The following UGT1A5 variants were observed in gnomAD, a reference collection of about 807,000 sequenced individuals.
UGT1A5 encodes UDP glucuronosyltransferase family 1 member A5, also known as UDP-glucuronosyltransferase 1A5.
Under a neutral mutation model 40.3 loss-of-function variants are expected in UGT1A5, and 29 were observed. The ratio of observed to expected loss-of-function variants is 0.72; its 90% CI spans 0.54 to 0.98. The LOEUF is 0.98. Ranked by LOEUF, UGT1A5 falls within the 50% of genes least tolerant of loss-of-function variation. The probability of loss-of-function intolerance (pLI) is 0.00; values close to 1 mark genes in which losing one functional copy is unlikely to be tolerated. For missense variants in UGT1A5, 678 were observed against 677.9 expected (o/e 1.00, Z 0.00); for synonymous variants, 257 against 262.5 (o/e 0.98, Z 0.20).
At chr2:233,720,871 A>ACT (rs2076900634) in intron 1 of UGT1A5, among the ~76,000 whole-genome samples, 1 of 132,772 alleles carries the variant, frequency 7.5e-6, no homozygotes, top group Non-Finnish European at 1.6e-5. Context: ...GCTCCTGGCA[A>ACT]TTTTTTTTTT....
Position 233,713,030 on chromosome 2 carries a change from C to T in UGT1A5, c.39C>T (p.Ala13=). ...TGLQVPLPQL[A]TGLLLLLSVQ... ...TCCAGGTTCCCCTGCCGCAGCTGGC[C>T]ACAGGACTGCTGCTTCTCCTCAGTG... Residue 13 remains alanine, a synonymous_variant, in exon 1 of 5, where the codon GCC becomes GCT. Coordinates refer to ENST00000373414, the MANE Select transcript of UGT1A5 (RefSeq NM_019078.2). 1 of 1,613,910 alleles carries T rather than the reference C, an allele frequency of 6.2e-7. No individual in the cohort carries two copies. The highest frequency in any genetic ancestry group is 8.5e-7 in the Non-Finnish European group (1 of 1,180,038).
chr2:233,720,019 G>T (rs540203341), intron 1 of UGT1A5, among the ~76,000 whole-genome samples: 6 of 152,260 alleles, frequency 3.9e-5, no homozygotes, highest in African/African-American at 1.4e-4. Flanking sequence ...TCCATCCTGG[G>T]GTTTTTGCTT....
intron 1 of UGT1A5, chr2:233,753,360 G>C (rs1270331798): frequency 6.6e-6 from 1 of 152,184 alleles, no homozygotes; most frequent in Non-Finnish European, 1.5e-5. Flanking sequence ...TATTACTTGG[G>C]TGCCATTCCA....
Position 233,772,815 on chromosome 2 carries a change from G to A in UGT1A5, c.*256G>A. 1 of 1,022,382 alleles carries A rather than the reference G, an allele frequency of 9.8e-7. No homozygotes were observed. The highest frequency in any genetic ancestry group is 1.3e-6 in the Non-Finnish European group (1 of 747,412). 63.3% of individuals were successfully genotyped at this position (1,022,382 alleles called of 1,614,324 possible). On this transcript the variant is annotated 3_prime_UTR_variant, in exon 5 of 5. Transcript: ENST00000373414. Reference sequence around the variant, plus strand: ...ACATGTGCCATTTTTCAGAGGACGTGCAGACAGGCTGGCATTCTAGATTAC... The same window carrying A: ...ACATGTGCCATTTTTCAGAGGACGTACAGACAGGCTGGCATTCTAGATTAC...
At chr2:233,719,288 C>T (rs1377929252) in intron 1 of UGT1A5, 12 of 1,613,978 alleles carry the variant, frequency 7.4e-6, no homozygotes, top group Non-Finnish European at 1.0e-5. Flanking sequence ...CCGTTAACCT[C>T]TGTGGGGCGG....
Position 233,713,004 on chromosome 2 carries a change from C to A in UGT1A5, c.13C>A (p.Leu5Ile), listed in dbSNP as rs942673517. ...GGCTTCTGCTGAGATGGCCACAGGA[C>A]TCCAGGTTCCCCTGCCGCAGCTGGC... The part of the protein sequence containing the change: MATG[L>I]QVPLPQLATG... Residue 5 changes from leucine (L) to isoleucine (I), a missense_variant, in exon 1 of 5, where the codon CTC becomes ATC. Coordinates refer to ENST00000373414, the MANE Select transcript of UGT1A5 (RefSeq NM_019078.2). 1.5e-5 allele frequency: 25 copies of A among 1,613,434 alleles called. No individual in the cohort carries two copies. The highest frequency in any genetic ancestry group is 2.0e-5 in the Non-Finnish European group (24 of 1,180,048).
chr2:233,757,537 T>TATATATACATATAC lies in UGT1A5; in HGVS notation c.868-9490_868-9489insCATATACATATATA, dbSNP rs1472416448. Among the ~76,000 whole-genome samples the TATATATACATATAC allele has an allele frequency of 1.3e-3, 136 of 107,742 alleles. 2 individuals carry two copies. Among genetic ancestry groups the TATATATACATATAC allele is most frequent in the African/African-American group, 3.9e-3 (84 of 21,496 alleles). 70.7% of individuals were successfully genotyped at this position (107,742 alleles called of 152,430 possible). A position where few individuals can be genotyped will look rare whatever the true frequency, so the allele number is the denominator to read the frequency against. ...AAGCCAAAATCTTGCCTGTAAGGAA[T>TATATATACATATAC]ATATATATATATATATATATATATG... On this transcript the variant is annotated intron_variant, in intron 1 of 4. Transcript: ENST00000373414.
At chr2:233,730,195 G>T (rs1056966798) in intron 1 of UGT1A5, among the ~76,000 whole-genome samples, 6 of 152,186 alleles carry the variant, frequency 3.9e-5, no homozygotes, top group Admixed American at 6.5e-5. Context: ...TCACTGAGAG[G>T]AAGAGGAAGT....
chr2:233,719,181 T>C (rs2076734729), intron 1 of UGT1A5: 4 of 1,614,240 alleles, frequency 2.5e-6, no homozygotes, highest in Non-Finnish European at 3.4e-6. Flanking sequence ...GAACAATGTA[T>C]CTTTGGCCCT....
chr2:233,772,155 C>T, intron 4 of UGT1A5, 107 bp from the exon 5 acceptor site: 1 of 1,559,740 alleles, frequency 6.4e-7, no homozygotes, highest in Non-Finnish European at 8.7e-7. Context: ...GGTTTCCTTT[C>T]CCAAGTTTGG....
chr2:233,737,815 G>A lies in UGT1A5; in HGVS notation c.867+23957G>A, dbSNP rs147002980. Among the ~76,000 whole-genome samples, 731 of 152,128 alleles carry A rather than the reference G, an allele frequency of 4.8e-3. 11 individuals carry two copies. The highest frequency in any genetic ancestry group is 0.017 in the African/African-American group (690 of 41,476). On this transcript the variant is annotated intron_variant, in intron 1 of 4. Coordinates refer to ENST00000373414, the MANE Select transcript of UGT1A5 (RefSeq NM_019078.2). ...AAATCTTCACTATCATCTCAGTGGA[G>A]CAGAACAAATTGGGAACTGTGGCAC...
At chr2:233,732,500 A>G (rs1425812715) in intron 1 of UGT1A5, among the ~76,000 whole-genome samples, 1 of 152,238 alleles carries the variant, frequency 6.6e-6, no homozygotes, top group Non-Finnish European at 1.5e-5. Context: ...GGCGTAAGGA[A>G]GGGATCCTGT....
chr2:233,754,919 G>C, intron 1 of UGT1A5: 9 of 1,353,338 alleles, frequency 6.7e-6, no homozygotes, highest in Non-Finnish European at 8.9e-6. Context: ...TCTCCAGCGG[G>C]TTTCCCAAGA....
chr2:233,773,007 TA>T lies in UGT1A5; in HGVS notation c.*449del, dbSNP rs61757317. On this transcript the variant is annotated 3_prime_UTR_variant, in exon 5 of 5. Coordinates refer to ENST00000373414, the MANE Select transcript of UGT1A5 (RefSeq NM_019078.2). ...CAGTCCTCATCTCTGTCGTGCTTCA[TA>T]GGTGCCACCTTGTGTGTTTAAAGAA... is the stretch of plus-strand genomic sequence containing the variant. 26 of 218,224 alleles carry T rather than the reference TA, an allele frequency of 1.2e-4. No homozygotes were observed. Among genetic ancestry groups the T allele is most frequent in the Non-Finnish European group, 2.2e-4 (24 of 108,252 alleles). The allele number at this position is 218,224 out of a possible 1,614,324, so 13.5% of individuals were successfully genotyped here.
At position 233,729,418 on chromosome 2, in the gene UGT1A5, C is replaced by G. The variant is rs767075573; in HGVS notation, c.867+15560C>G. 8.1e-6 allele frequency: 13 copies of G among 1,613,638 alleles called. No individual in the cohort carries two copies. In the African/African-American group the frequency reaches 1.5e-4, roughly 18 times the overall value. The stretch of plus-strand genomic sequence containing the variant: ...TGATCGCCATGTGCTGGGCCACACT[C>G]AACTGTACTTTGAAACAGAACATTT... On this transcript the variant is annotated intron_variant, in intron 1 of 4. Coordinates refer to ENST00000373414, the MANE Select transcript of UGT1A5 (RefSeq NM_019078.2).
chr2:233,755,370 G>C, intron 1 of UGT1A5: 2 of 359,040 alleles, frequency 5.6e-6, no homozygotes, highest in South Asian at 4.4e-5. Context: ...GCCGCCTGGA[G>C]GGCCGCCCCT....
intron 1 of UGT1A5, chr2:233,743,684 G>A (rs753997745): frequency 1.5e-6 from 2 of 1,367,252 alleles, no homozygotes; most frequent in Non-Finnish European, 2.0e-6. Context: ...CCTGCCGCCT[G>A]TGCAGCCGCC....
chr2:233,724,327 A>G (rs1359142433), intron 1 of UGT1A5, among the ~76,000 whole-genome samples: 358 of 72,230 alleles, frequency 5.0e-3, no homozygotes, highest in African/African-American at 8.2e-3. Flanking sequence ...GCGGCTGGCC[A>G]GGCGGGGGGC....
Position 233,772,354 on chromosome 2 carries a change from T to C in UGT1A5, c.1400T>C (p.Met467Thr). 1 of 1,614,252 alleles carries C rather than the reference T, an allele frequency of 6.2e-7. No individual in the cohort carries two copies. The highest frequency in any genetic ancestry group is 8.5e-7 in the Non-Finnish European group (1 of 1,180,050). ...GCCGTGTTCTGGGTGGAGTTTGTGATGAGGCACAAGGGCGCGCCACACCTG... is the reference window on the plus strand; with the variant it reads ...GCCGTGTTCTGGGTGGAGTTTGTGACGAGGCACAAGGGCGCGCCACACCTG... ...DLAVFWVEFV[M>T]RHKGAPHLRP... Residue 467 changes from methionine to threonine, a missense_variant, in exon 5 of 5, where the codon ATG becomes ACG. Transcript: ENST00000373414.
Sources: gnomAD v4.1 joint callset for allele counts (sites outside exome capture counted in the v4.1 genomes callset) on GRCh38, gnomAD v4.1.1 for gene constraint, MANE v1.5 for transcripts, NCBI Gene and HGNC (gene_info 2026-07-23, HGNC 2026-07-21) for gene names.